The following METAP2 variants were observed in gnomAD, a reference collection of about 807,000 sequenced individuals.
METAP2 encodes methionine aminopeptidase 2.
A neutral mutation model predicts 59.4 loss-of-function variants in METAP2; 25 were observed. The observed-to-expected ratio is 0.42, with a 90% CI of 0.31 to 0.59. The LOEUF is 0.59. METAP2 is among the 20% of genes least tolerant of loss of function. The pLI, the probability that METAP2 is intolerant of heterozygous loss-of-function variation, is 0.16. For missense variants in METAP2, 366 were observed against 581.2 expected, an observed-to-expected ratio of 0.63 and a Z score of 3.81; for synonymous variants, 214 against 194.1, an observed-to-expected ratio of 1.10 and a Z score of -0.85.
At chr12:95,474,414 G>C in intron 1 of METAP2, 84 bp downstream of exon 1, 1 of 1,475,660 alleles carries the variant, frequency 6.8e-7, no homozygotes, top group Non-Finnish European at 9.1e-7. Context: ...GCCGGGACCG[G>C]GGCCCCAGAG....
chr12:95,506,153 G>A (rs554224118), intron 8 of METAP2, among the ~76,000 whole-genome samples: 9 of 151,824 alleles, frequency 5.9e-5, no homozygotes, highest in Admixed American at 5.2e-4. Flanking sequence ...GCAGTGGCAC[G>A]GTTGCAGCCC....
intron 7 of METAP2, among the ~76,000 whole-genome samples, chr12:95,496,745 A>ACTC (rs2076277776): frequency 6.6e-6 from 1 of 150,392 alleles, no homozygotes; most frequent in African/African-American, 2.4e-5. Flanking sequence ...CCACCCACTC[A>ACTC]AATTTTTTTT....
intron 7 of METAP2, among the ~76,000 whole-genome samples, chr12:95,496,368 G>A (rs2076275491): frequency 6.6e-6 from 1 of 151,994 alleles, no homozygotes; most frequent in Admixed American, 6.6e-5. Flanking sequence ...CCTGTCAGTT[G>A]GCAGTGGTTT....
Position 95,495,089 on chromosome 12 carries a change from A to G in METAP2, c.723A>G (p.Val241=), listed in dbSNP as rs201903824. Residue 241 remains valine, a synonymous_variant, in exon 6 of 11, where the codon GTA becomes GTG. Transcript: ENST00000323666. ...CTCCCAATGCCGGTGACACAACAGT[A>G]TTACAGTATGATGACATCTGTAAAA... The part of the protein sequence containing the change: ...HYTPNAGDTT[V]LQYDDICKID... 4 of 1,613,556 alleles carry G rather than the reference A, an allele frequency of 2.5e-6. No individual in the cohort carries two copies. The highest frequency in any genetic ancestry group is 1.7e-5 in the Admixed American group (1 of 59,994).
intron 7 of METAP2, among the ~76,000 whole-genome samples, chr12:95,497,762 GT>G (rs1197932671): frequency 6.6e-6 from 1 of 151,886 alleles, no homozygotes; most frequent in Non-Finnish European, 1.5e-5. Flanking sequence ...GTTTTTGTTT[GT>G]TTTTTGTTTT....
intron 4 of METAP2, among the ~76,000 whole-genome samples, chr12:95,486,844 C>T (rs1218765203): frequency 6.6e-6 from 1 of 152,138 alleles, no homozygotes; most frequent in African/African-American, 2.4e-5. Context: ...GTACAGATGA[C>T]TTAAATAGTC....
chr12:95,490,640 A>G (rs2076231159), intron 4 of METAP2, among the ~76,000 whole-genome samples: 1 of 147,614 alleles, frequency 6.8e-6, no homozygotes, highest in East Asian at 2.0e-4. Context: ...CTGGGCTCAA[A>G]TTATCCTCCC....
chr12:95,504,234 A>G, intron 8 of METAP2, 73 bp downstream of exon 8: 1 of 969,302 alleles, frequency 1.0e-6, no homozygotes, highest in Non-Finnish European at 1.6e-6. Context: ...TCTTTGGGTC[A>G]GCTGCTTCAT....
intron 4 of METAP2, among the ~76,000 whole-genome samples, chr12:95,492,114 G>C (rs2076241864): frequency 7.0e-6 from 1 of 142,702 alleles, no homozygotes; most frequent in South Asian, 2.4e-4. Context: ...GGCCTATCGT[G>C]TGTATGTATA....
chr12:95,488,253 A>G (rs557804340), intron 4 of METAP2, among the ~76,000 whole-genome samples: 1 of 151,978 alleles, frequency 6.6e-6, no homozygotes, highest in East Asian at 1.9e-4. Context: ...TAATCCTAGC[A>G]CTTTGGGAGG....
At position 95,480,322 on chromosome 12, in the gene METAP2, C is replaced by T. The variant is rs370433812; in HGVS notation, c.260-2893C>T. Among the ~76,000 whole-genome samples the T allele has an allele frequency of 4.5e-4, 69 of 152,232 alleles. 1 individual carries two copies. The highest frequency in any genetic ancestry group is 3.4e-3 in the Admixed American group (52 of 15,298). ...GTTTACAGTTTTGGTCTGTTGTGAACGAAGTTACTATGAACATTTGCATAT... is the reference window on the plus strand; with the variant it reads ...GTTTACAGTTTTGGTCTGTTGTGAATGAAGTTACTATGAACATTTGCATAT... On this transcript the variant is annotated intron_variant, in intron 2 of 10. Transcript: ENST00000323666.
intron 7 of METAP2, 73 bp downstream of exon 7, chr12:95,496,171 A>G (rs1023357920): frequency 1.1e-6 from 1 of 942,540 alleles, no homozygotes; most frequent in East Asian, 2.5e-5. Flanking sequence ...ACTTAACAGC[A>G]TTTAAGCACT....
chr12:95,475,807 G>A (rs118187064), intron 1 of METAP2, among the ~76,000 whole-genome samples: 7 of 150,552 alleles, frequency 4.6e-5, no homozygotes, highest in African/African-American at 7.4e-5. Flanking sequence ...TAAACTACTT[G>A]AGGATAGAGA....
intron 8 of METAP2, among the ~76,000 whole-genome samples, chr12:95,509,623 T>G (rs1313056851): frequency 1.3e-5 from 2 of 152,164 alleles, no homozygotes; most frequent in Admixed American, 6.6e-5. Context: ...GAACCCTCTC[T>G]TCATGGCTTT....
At chr12:95,507,289 G>C (rs1272115402) in intron 8 of METAP2, among the ~76,000 whole-genome samples, 5 of 152,246 alleles carry the variant, frequency 3.3e-5, no homozygotes, top group Non-Finnish European at 7.3e-5. Context: ...ACAAATATTT[G>C]TCATTCTGTC....
chr12:95,491,600 TC>T (rs983748419), intron 4 of METAP2, among the ~76,000 whole-genome samples: 9 of 150,492 alleles, frequency 6.0e-5, no homozygotes, highest in African/African-American at 2.2e-4. Context: ...AACCTCTGCC[TC>T]CCAGGCTCAA....
chr12:95,490,437 A>ACG (rs2076229229), intron 4 of METAP2, among the ~76,000 whole-genome samples: 2 of 151,608 alleles, frequency 1.3e-5, no homozygotes, highest in East Asian at 3.9e-4. Flanking sequence ...CGTTTAAAGT[A>ACG]TTAGCCAGTT....
intron 4 of METAP2, among the ~76,000 whole-genome samples, chr12:95,487,313 A>T (rs991021874): frequency 1.3e-5 from 2 of 148,736 alleles, no homozygotes; most frequent in East Asian, 2.0e-4. Context: ...CTGTAAAGAC[A>T]CCATTTTTTT....
At chr12:95,496,614 TA>T (rs1425666161) in intron 7 of METAP2, among the ~76,000 whole-genome samples, 1 of 152,094 alleles carries the variant, frequency 6.6e-6, no homozygotes, top group African/African-American at 2.4e-5. Flanking sequence ...GACAAATATA[TA>T]ATGACACGCA....
Sources: allele counts gnomAD v4.1 joint callset (sites outside exome capture counted in the v4.1 genomes callset), GRCh38; gene constraint gnomAD v4.1.1; transcripts MANE v1.5; gene names NCBI Gene and HGNC (gene_info 2026-07-23, HGNC 2026-07-21).